Variants in CDKL1 observed in about 807,000 individuals in gnomAD.
CDKL1 encodes cyclin dependent kinase like 1.
In CDKL1, 41 loss-of-function variants were observed where a neutral mutation model predicts 42.0. That is an observed-to-expected ratio of 0.98 (90% CI 0.76 to 1.27). CDKL1 has a LOEUF of 1.27. Ranked by LOEUF, CDKL1 falls within the 50% of genes most tolerant of loss-of-function variation. The pLI is 0.00. For missense variants in CDKL1, 394 were observed against 428.4 expected, an observed-to-expected ratio of 0.92 and a Z score of 0.71; for synonymous variants, 153 against 158.6, an observed-to-expected ratio of 0.96 and a Z score of 0.26.
chr14:50,351,497 G>T (rs755809566), intron 3 of CDKL1, among the ~76,000 whole-genome samples: 1 of 152,148 alleles, frequency 6.6e-6, no homozygotes, highest in Non-Finnish European at 1.5e-5. Context: ...ACTTTGGGAG[G>T]CTGAGGTGGG....
intron 2 of CDKL1, among the ~76,000 whole-genome samples, chr14:50,367,329 C>T (rs904028602): frequency 1.3e-5 from 2 of 152,122 alleles, no homozygotes; most frequent in Non-Finnish European, 2.9e-5. Context: ...AGACCAGAAG[C>T]CAGATTATGT....
Position 50,395,840 on chromosome 14 carries a change from A to G in CDKL1, c.29T>C (p.Ile10Thr), listed in dbSNP as rs747029503. MEKYEKIGK[I>T]GEGSYGVVFK... ...AACAACTCCATAGGATCCTTCTCCA[A>G]TTTTCCCAATTTTTTCATACTTCTC... Residue 10 changes from isoleucine to threonine, a missense_variant, in exon 2 of 10, where the codon ATT becomes ACT. Physicochemically the swap from Ile to Thr is moderately conservative, Grantham distance 89. Coordinates refer to ENST00000395834, the MANE Select transcript of CDKL1 (RefSeq NM_004196.7). 3.7e-6 allele frequency: 6 copies of G among 1,611,442 alleles called. No individual in the cohort carries two copies. The African/African-American group carries it at 6.7e-5, about 18-fold the overall frequency.
chr14:50,387,716 T>C (rs2035129252), intron 2 of CDKL1, among the ~76,000 whole-genome samples: 1 of 152,120 alleles, frequency 6.6e-6, no homozygotes, highest in African/African-American at 2.4e-5. Context: ...GGTTTGTTAA[T>C]CCATAATCCA....
chr14:50,364,954 G>A (rs2034397051), intron 2 of CDKL1, among the ~76,000 whole-genome samples: 1 of 152,148 alleles, frequency 6.6e-6, no homozygotes, highest in Non-Finnish European at 1.5e-5. Context: ...GACAGATGTT[G>A]GAGAAGTAAT....
chr14:50,341,211 G>A lies in CDKL1; in HGVS notation c.476C>T (p.Thr159Ile). Residue 159 changes from threonine (T) to isoleucine (I), a missense_variant, in exon 6 of 10, where the codon ACA (threonine) becomes ATA (isoleucine). Physicochemically the swap from Thr to Ile is moderately conservative, Grantham distance 89. Coordinates refer to ENST00000395834, the MANE Select transcript of CDKL1 (RefSeq NM_004196.7). ...RLLTGPSDYY[T>I]DYVATRWYRS... ...GTACCACCTGGTAGCCACGTAGTCTGTATAGTAGTCACTCGGTCCAGCTAG... is the reference window on the plus strand; with the variant it reads ...GTACCACCTGGTAGCCACGTAGTCTATATAGTAGTCACTCGGTCCAGCTAG... 1 of 1,609,106 alleles carries A rather than the reference G, an allele frequency of 6.2e-7. No individual in the cohort carries two copies. Among genetic ancestry groups the A allele is most frequent in the Non-Finnish European group, 8.5e-7 (1 of 1,176,446 alleles).
At position 50,332,647 on chromosome 14, in the gene CDKL1, C is replaced by T. The variant is rs538431500; in HGVS notation, c.796-215G>A. 2.4e-5 allele frequency: 36 copies of T among 1,527,406 alleles called. No homozygotes were observed. The Admixed American group carries it at 6.3e-4, about 27-fold the overall frequency. The allele number at this position is 1,527,406 out of a possible 1,614,324, so 94.6% of individuals were successfully genotyped here. ...GTTTCTAGAAGTAGTAATGAAAAAT[C>T]ATTTTCTCCACCTTATTCTGTTCTT... On this transcript the variant is annotated intron_variant, in intron 8 of 9. Coordinates refer to ENST00000395834, the MANE Select transcript of CDKL1 (RefSeq NM_004196.7).
At chr14:50,397,018 C>T (rs749607578), upstream of CDKL1, 6 of 1,190,270 alleles carry the variant, frequency 5.0e-6, no homozygotes, top group African/African-American at 7.9e-5. Flanking sequence ...CAGGGAAAGG[C>T]CTCGGAGGGC....
In CDKL1 at chr14:50,359,130, A is replaced by G; in HGVS notation, c.188T>C (p.Leu63Pro). 1.2e-6 allele frequency: 2 copies of G among 1,610,664 alleles called. No individual in the cohort carries two copies. The highest frequency in any genetic ancestry group is 1.7e-6 in the Non-Finnish European group (2 of 1,177,860). ...CCTGAAGACTTCCAGGAGGTTAACA[A>G]GGTTGGGATGCTTGAGTTGCTGAAA... ...RMLKQLKHPNLVNLLEVFRRK... is the reference protein window; with the variant it reads ...RMLKQLKHPNPVNLLEVFRRK... The change falls in exon 3 of 10, where the codon CTT (leucine) becomes CCT (proline). Residue 63 changes from leucine (L) to proline (P), a missense_variant. By Grantham distance (98) the Leu-to-Pro change is moderately conservative. Coordinates refer to ENST00000395834, the MANE Select transcript of CDKL1 (RefSeq NM_004196.7).
intron 6 of CDKL1, among the ~76,000 whole-genome samples, chr14:50,340,009 T>C (rs555061506): frequency 1.3e-5 from 2 of 152,274 alleles, no homozygotes; most frequent in East Asian, 3.9e-4. Flanking sequence ...AACCAAGATA[T>C]ACCCTCAATG....
chr14:50,358,224 G>T, intron 3 of CDKL1: 1 of 1,081,686 alleles, frequency 9.2e-7, no homozygotes, highest in Non-Finnish European at 1.2e-6. Flanking sequence ...CAACACAATT[G>T]TTTTTCACCT....
chr14:50,395,894 T>G lies in CDKL1; in HGVS notation c.-26A>C. On this transcript the variant is annotated 5_prime_UTR_variant, in exon 2 of 10. Coordinates refer to ENST00000395834, the MANE Select transcript of CDKL1 (RefSeq NM_004196.7). ...CATAGAGGAATAAATCTTCTTAAAA[T>G]GGATCTTCAGCCGAGAATGGTGGCT... 1 of 1,609,304 alleles carries G rather than the reference T, an allele frequency of 6.2e-7. No homozygotes were observed. The highest frequency in any genetic ancestry group is 8.5e-7 in the Non-Finnish European group (1 of 1,175,940).
At chr14:50,343,188 A>G (rs2033615676) in intron 4 of CDKL1, 1 of 405,366 alleles carries the variant, frequency 2.5e-6, no homozygotes, top group Non-Finnish European at 3.9e-6. Flanking sequence ...TTGGGTCAAA[A>G]TACTGCTCAG....
intron 3 of CDKL1, chr14:50,358,251 G>T: frequency 1.3e-6 from 1 of 790,590 alleles, no homozygotes; most frequent in Middle Eastern, 2.9e-4. Flanking sequence ...GCTTCAGTTG[G>T]GTTTTTGTCA....
chr14:50,332,394 A>G lies in CDKL1; in HGVS notation c.834T>C (p.Cys278=), dbSNP rs1277869658. The G allele has an allele frequency of 6.2e-6, 10 of 1,614,128 alleles. No homozygotes were observed. The highest frequency in any genetic ancestry group is 7.6e-6 in the Non-Finnish European group (9 of 1,180,008). Residue 278 remains cysteine, a synonymous_variant, in exon 9 of 10, where the codon TGT becomes TGC. Transcript: ENST00000395834. ...LHMDPTQRLT[C]EQLLHHPYFE... ...AATATGGGTGATGCAACAGCTGTTC[A>G]CATGTCAGCCTTTGAGTAGGGTCCA... is the stretch of plus-strand genomic sequence containing the variant.
At chr14:50,382,074 G>A (rs1423688652) in intron 2 of CDKL1, among the ~76,000 whole-genome samples, 1 of 152,182 alleles carries the variant, frequency 6.6e-6, no homozygotes, top group East Asian at 1.9e-4. Flanking sequence ...AATAAAGAAA[G>A]TTAATAATTA....
intron 4 of CDKL1, chr14:50,343,038 A>G (rs2139403543): frequency 2.2e-6 from 3 of 1,345,776 alleles, no homozygotes; most frequent in African/African-American, 1.5e-5. Flanking sequence ...GCCCACAGCC[A>G]ACATTCTTAA....
chr14:50,378,180 C>A, intron 2 of CDKL1: 1 of 1,366,306 alleles, frequency 7.3e-7, no homozygotes, highest in Non-Finnish European at 9.8e-7. Flanking sequence ...CCTTTACCTG[C>A]AGACCTTAAA....
At chr14:50,396,972 C>CCCCGG (rs1204371094), upstream of CDKL1, 7 of 779,032 alleles carry the variant, frequency 9.0e-6, no homozygotes, top group South Asian at 5.9e-5. Flanking sequence ...AGCTTCCCAC[C>CCCCGG]CCCGGCCCGG....
At chr14:50,341,461 G>GTT (rs1183230923) in intron 5 of CDKL1, among the ~76,000 whole-genome samples, 9 of 80,828 alleles carry the variant, frequency 1.1e-4, no homozygotes, top group Admixed American at 8.3e-4. Context: ...GGGTCTGGGG[G>GTT]GGGGGGGGGG....
Sources: gnomAD v4.1 joint callset for allele counts (sites outside exome capture counted in the v4.1 genomes callset) on GRCh38, gnomAD v4.1.1 for gene constraint, MANE v1.5 for transcripts, NCBI Gene and HGNC (gene_info 2026-07-23, HGNC 2026-07-21) for gene names.